Variants in LETM1 observed in about 807,000 individuals in gnomAD.
LETM1 encodes mitochondrial proton/calcium exchanger protein.
LETM1 carries 50 observed loss-of-function variants against 74.5 expected under a neutral mutation model. That is an observed-to-expected ratio of 0.67 (90% CI 0.53 to 0.85). LETM1 has a LOEUF of 0.85. Among genes scored for constraint, LETM1 ranks in the 40% least tolerant of loss-of-function variants. The pLI, the probability that LETM1 is intolerant of heterozygous loss-of-function variation, is 0.00. For synonymous variants in LETM1, 446 were observed against 407.1 expected, an observed-to-expected ratio of 1.10 and a Z score of -1.15; for missense variants, 824 against 967.8, an observed-to-expected ratio of 0.85 and a Z score of 1.97.
chr4:1,843,843 C>A (rs1010247899), intron 2 of LETM1, among the ~76,000 whole-genome samples: 1 of 152,270 alleles, frequency 6.6e-6, no homozygotes, highest in Non-Finnish European at 1.5e-5. Flanking sequence ...TGAGTCAAGG[C>A]GTGCCGAGAG....
chr4:1,853,063 G>C (rs1326085699), intron 1 of LETM1, among the ~76,000 whole-genome samples: 1 of 152,138 alleles, frequency 6.6e-6, no homozygotes, highest in Non-Finnish European at 1.5e-5. Context: ...CCACAGGTCT[G>C]ATGGGCACGG....
At chr4:1,848,297 C>T (rs1454823315) in intron 2 of LETM1, among the ~76,000 whole-genome samples, 2 of 152,048 alleles carry the variant, frequency 1.3e-5, no homozygotes, top group Non-Finnish European at 2.9e-5. Context: ...GCCTGTAATC[C>T]CAGCACTTTG....
chr4:1,837,371 T>C (rs943395359), intron 3 of LETM1, among the ~76,000 whole-genome samples: 2 of 152,088 alleles, frequency 1.3e-5, no homozygotes, highest in African/African-American at 4.8e-5. Context: ...GCTGCCTAAC[T>C]CTCCTATCTT....
intron 2 of LETM1, chr4:1,842,866 C>G (rs1246126866): frequency 2.0e-5 from 4 of 195,778 alleles, no homozygotes; most frequent in Non-Finnish European, 3.3e-5. Context: ...TGGTGCCACA[C>G]CACCATTTAC....
chr4:1,841,225 G>A lies in LETM1; in HGVS notation c.594+122C>T. On this transcript the variant is annotated intron_variant, in intron 3 of 13. Transcript: ENST00000302787. ...CCAGGTGTGGTGGCACATGCCTGTG[G>A]TCCCAGATACTCGGGAGGCTGAGGC... The A allele has an allele frequency of 3.6e-6, 3 of 837,716 alleles. No homozygotes were observed. In the South Asian group the frequency reaches 5.2e-5, roughly 15 times the overall value. 51.9% of individuals were successfully genotyped at this position (837,716 alleles called of 1,614,324 possible).
chr4:1,818,480 G>A (rs1711654038), intron 11 of LETM1, among the ~76,000 whole-genome samples: 1 of 151,852 alleles, frequency 6.6e-6, no homozygotes, highest in African/African-American at 2.4e-5. Flanking sequence ...AGGCATGGTG[G>A]CACATGCCTG....
chr4:1,847,285 G>A (rs1712915681), intron 2 of LETM1, among the ~76,000 whole-genome samples: 1 of 151,446 alleles, frequency 6.6e-6, no homozygotes, highest in Non-Finnish European at 1.5e-5. Context: ...AAGCTGCAGT[G>A]AGCCATGATT....
intron 6 of LETM1, among the ~76,000 whole-genome samples, chr4:1,832,539 CAG>C (rs1712313061): frequency 1.3e-5 from 2 of 152,130 alleles, no homozygotes; most frequent in Admixed American, 6.5e-5. Flanking sequence ...GAAATCCAAA[CAG>C]AGAGATCATC....
intron 1 of LETM1, among the ~76,000 whole-genome samples, chr4:1,853,317 TG>T (rs1713132500): frequency 6.6e-6 from 1 of 152,034 alleles, no homozygotes. Context: ...AAAGGACAAA[TG>T]GGGAGGTGGG....
intron 11 of LETM1, among the ~76,000 whole-genome samples, chr4:1,817,708 C>T (rs963391606): frequency 9.9e-5 from 15 of 152,178 alleles, no homozygotes; most frequent in Non-Finnish European, 1.6e-4. Context: ...AGAATCTATT[C>T]TGAATCTCAA....
rs989674835 is a variant in LETM1, at chr4:1,834,624, T to C, written c.876+221A>G. 1.4e-5 allele frequency: 20 copies of C among 1,380,882 alleles called. No homozygotes were observed. The highest frequency in any genetic ancestry group is 1.3e-4 in the African/African-American group (9 of 68,482). 85.5% of individuals were successfully genotyped at this position (1,380,882 alleles called of 1,614,324 possible). On this transcript the variant is annotated intron_variant, in intron 5 of 13. Transcript: ENST00000302787. The surrounding 1 kb of genome is among the most constrained non-coding windows in gnomAD (Gnocchi z 5.0). ...GATGAGACACAGACGCCCATAATTC[T>C]GAAGGCTGACGAGGCGCAGCCACCA... is the stretch of plus-strand genomic sequence containing the variant.
At chr4:1,842,854 C>T (rs142600083) in intron 2 of LETM1, among the ~76,000 whole-genome samples, 14 of 152,340 alleles carry the variant, frequency 9.2e-5, no homozygotes, top group East Asian at 3.9e-4. Flanking sequence ...CTGACCGCAG[C>T]GTGGTGCCAC....
intron 3 of LETM1, among the ~76,000 whole-genome samples, chr4:1,838,817 G>T (rs760604784): frequency 6.6e-6 from 1 of 152,162 alleles, no homozygotes; most frequent in Admixed American, 6.5e-5. Context: ...GAGTGGACTC[G>T]ATTCCCACAT....
At position 1,813,814 on chromosome 4, in the gene LETM1, A is replaced by AC. The variant is rs1414867752; in HGVS notation, c.*609dup. 2 of 154,066 alleles carry AC rather than the reference A, an allele frequency of 1.3e-5. No individual in the cohort carries two copies. Among genetic ancestry groups the AC allele is most frequent in the African/African-American group, 2.4e-5 (1 of 41,440 alleles). 9.5% of individuals were successfully genotyped at this position (154,066 alleles called of 1,614,324 possible). A position where few individuals can be genotyped will look rare whatever the true frequency, so the allele number is the denominator to read the frequency against. On this transcript the variant is annotated 3_prime_UTR_variant, in exon 14 of 14. Coordinates refer to ENST00000302787, the MANE Select transcript of LETM1 (RefSeq NM_012318.3). ...AGCTCCGATACACAAGGGAAACCGC[A>AC]CGTGAGAACCAGCACTCCCAGCAGG...
chr4:1,816,694 C>T (rs781315241), intron 12 of LETM1, 33 bp downstream of exon 12: 50 of 1,599,644 alleles, frequency 3.1e-5, no homozygotes, highest in African/African-American at 4.0e-5. Flanking sequence ...TGTGAGTCTC[C>T]GATCCCTCTC....
intron 3 of LETM1, among the ~76,000 whole-genome samples, chr4:1,838,667 G>C (rs576689907): frequency 3.8e-4 from 58 of 152,258 alleles, no homozygotes; most frequent in African/African-American, 1.4e-3. Flanking sequence ...GGGGGAGCGA[G>C]AACCTGTCTC....
intron 5 of LETM1, 36 bp from the exon 6 acceptor site, chr4:1,832,983 C>A: frequency 6.2e-7 from 1 of 1,600,176 alleles, no homozygotes; most frequent in Admixed American, 1.7e-5. Flanking sequence ...CCCCGGGACA[C>A]GCGCCCACCC....
chr4:1,822,086 C>T, intron 10 of LETM1, 95 bp downstream of exon 10: 1 of 1,241,056 alleles, frequency 8.1e-7, no homozygotes, highest in Non-Finnish European at 1.0e-6. Context: ...CTATAGATGC[C>T]CCAGCTAACC....
intron 11 of LETM1, among the ~76,000 whole-genome samples, chr4:1,818,561 C>T (rs912830129): frequency 1.6e-4 from 24 of 150,856 alleles, no homozygotes; most frequent in Admixed American, 1.6e-3. Flanking sequence ...TGCAGTGAGT[C>T]GAGATCACGC....
Sources: allele counts gnomAD v4.1 joint callset (sites outside exome capture counted in the v4.1 genomes callset), GRCh38; gene constraint gnomAD v4.1.1; non-coding constraint Gnocchi (gnomAD v3.1); transcripts MANE v1.5; gene names NCBI Gene and HGNC (gene_info 2026-07-23, HGNC 2026-07-21).